Variants in INPP5B observed in about 807,000 individuals in gnomAD.
INPP5B encodes the protein inositol polyphosphate-5-phosphatase B, also known as type II inositol 1,4,5-trisphosphate 5-phosphatase.
A neutral mutation model predicts 118.5 loss-of-function variants in INPP5B; 90 were observed. The ratio of observed to expected loss-of-function variants is 0.76; its 90% CI spans 0.64 to 0.90. INPP5B has a LOEUF of 0.90. Among genes scored for constraint, INPP5B ranks in the 40% least tolerant of loss-of-function variants. The pLI, the probability that INPP5B is intolerant of heterozygous loss-of-function variation, is 0.00. For missense variants in INPP5B, 984 were observed against 1,125.6 expected, an observed-to-expected ratio of 0.87 and a Z score of 1.80; for synonymous variants, 385 against 418.9, an observed-to-expected ratio of 0.92 and a Z score of 0.99.
At chr1:37,933,650 G>A (rs1315312058) in intron 6 of INPP5B, among the ~76,000 whole-genome samples, 5 of 151,938 alleles carry the variant, frequency 3.3e-5, no homozygotes, top group Non-Finnish European at 7.4e-5. Context: ...AACCTGGGAG[G>A]TGGAGGTTGC....
chr1:37,918,307 G>A (rs1227253834), intron 7 of INPP5B, among the ~76,000 whole-genome samples: 3 of 152,076 alleles, frequency 2.0e-5, no homozygotes, highest in African/African-American at 7.2e-5. Context: ...ACCCAAACTG[G>A]TTCAATTGGC....
rs766909750 is a variant in INPP5B, at chr1:37,943,922, G to A, written c.153-29C>T. On this transcript the variant is annotated intron_variant, in intron 3 of 23. Transcript: ENST00000373024. ...AGGGCAGGAAGCAGAGGTGAGGATG[G>A]GGGCCCGCTGGCTGTCCCTCAGCCC... 5 of 1,529,306 alleles carry A rather than the reference G, an allele frequency of 3.3e-6. No homozygotes were observed. The Admixed American group carries it at 6.7e-5, about 20-fold the overall frequency. 94.7% of individuals were successfully genotyped at this position (1,529,306 alleles called of 1,614,324 possible). A position where few individuals can be genotyped will look rare whatever the true frequency, so the allele number is the denominator to read the frequency against.
chr1:37,869,773 C>A (rs1379147872), intron 19 of INPP5B, among the ~76,000 whole-genome samples: 1 of 152,138 alleles, frequency 6.6e-6, no homozygotes, highest in Non-Finnish European at 1.5e-5. Context: ...AACCACTGCA[C>A]CCAGCCTCCA....
chr1:37,903,751 A>G (rs1235578642), intron 7 of INPP5B, among the ~76,000 whole-genome samples: 28 of 151,784 alleles, frequency 1.8e-4, no homozygotes, highest in Non-Finnish European at 7.4e-5. Context: ...TTAGCTGGGC[A>G]TGGTAGTGCA....
At chr1:37,867,954 G>A (rs138242212) in intron 20 of INPP5B, among the ~76,000 whole-genome samples, 132 of 152,284 alleles carry the variant, frequency 8.7e-4, no homozygotes, top group African/African-American at 3.1e-3. Context: ...GACCCCAGAG[G>A]CCATGGGAAG....
At chr1:37,945,368 GGT>G (rs1553163633) in intron 3 of INPP5B, among the ~76,000 whole-genome samples, 1 of 151,826 alleles carries the variant, frequency 6.6e-6, no homozygotes, top group Non-Finnish European at 1.5e-5. Context: ...GGGACGCAGA[GGT>G]TGCAGTGAGC....
chr1:37,919,532 G>A (rs1378304506), intron 7 of INPP5B, among the ~76,000 whole-genome samples: 1 of 152,016 alleles, frequency 6.6e-6, no homozygotes, highest in Admixed American at 6.6e-5. Flanking sequence ...TTACATACTA[G>A]CAAAGAATTC....
intron 22 of INPP5B, chr1:37,864,635 A>G (rs577197595): frequency 2.4e-4 from 97 of 398,818 alleles, no homozygotes; most frequent in African/African-American, 1.6e-3. Flanking sequence ...ACATGTTCCT[A>G]TAAGACTGAA....
At chr1:37,869,908 A>G (rs926571966) in intron 19 of INPP5B, 1 of 152,180 alleles carries the variant, frequency 6.6e-6, no homozygotes, top group African/African-American at 2.4e-5. Flanking sequence ...GCACTGGAAA[A>G]AAAGCATACA....
chr1:37,942,483 A>C (rs1269026994), intron 5 of INPP5B, among the ~76,000 whole-genome samples: 1 of 152,174 alleles, frequency 6.6e-6, no homozygotes, highest in Non-Finnish European at 1.5e-5. Context: ...CTTCTAGCAC[A>C]ATGCTGGCGT....
chr1:37,866,463 G>C lies in INPP5B; in HGVS notation c.2382C>G (p.Asn794Lys). The C allele has an allele frequency of 6.6e-7, 1 of 1,524,326 alleles. No homozygotes were observed. The allele number at this position is 1,524,326 out of a possible 1,614,324, so 94.4% of individuals were successfully genotyped here. ...AGCTGAATGTCTGAAGGATACAGAG[G>C]TTATCAATCATTCCAGTATCCAAGC... ...RDCLDTGMID[N>K]LSASNHSVAE... The change falls in exon 21 of 24, where the codon AAC (asparagine) becomes AAG (lysine). Residue 794 changes from asparagine to lysine, a missense_variant. Around this residue, in one of 2 missense-constraint regions of INPP5B, gnomAD observed 634 missense variants for 791.0 expected, o/e 0.80. Transcript: ENST00000373024.
rs181387075 is a variant in INPP5B, at chr1:37,864,371, G to A, written c.2567C>T (p.Ala856Val). The A allele has an allele frequency of 2.3e-5, 37 of 1,613,230 alleles. No individual in the cohort carries two copies. The East Asian group carries it at 5.6e-4, about 24-fold the overall frequency. ...ATTTTTCAGCAGTTCTCGCAAAAACGCCATCAAGTAGTGGAAGACATTTTT... is the reference window on the plus strand; with the variant it reads ...ATTTTTCAGCAGTTCTCGCAAAAACACCATCAAGTAGTGGAAGACATTTTT... The part of the protein sequence containing the change: ...FHKNVFHYLM[A>V]FLRELLKNSA... Residue 856 changes from alanine (A) to valine (V), a missense_variant, in exon 23 of 24, where the codon GCG becomes GTG. Around this residue, in one of 2 missense-constraint regions of INPP5B, gnomAD observed 634 missense variants for 791.0 expected, o/e 0.80. Transcript: ENST00000373024.
intron 8 of INPP5B, 104 bp downstream of exon 8, chr1:37,891,254 A>T: frequency 1.4e-6 from 1 of 717,630 alleles, no homozygotes; most frequent in Non-Finnish European, 2.4e-6. Flanking sequence ...GACACTTCCT[A>T]GGCCAGCTAC....
intron 19 of INPP5B, 33 bp downstream of exon 19, chr1:37,872,897 G>A (rs377228587): frequency 5.9e-6 from 9 of 1,518,358 alleles, no homozygotes; most frequent in Non-Finnish European, 8.2e-6. Flanking sequence ...CTGCTACAAA[G>A]TTCTAGATGT....
intron 8 of INPP5B, among the ~76,000 whole-genome samples, chr1:37,890,273 G>A (rs2148518971): frequency 6.6e-6 from 1 of 152,042 alleles, no homozygotes; most frequent in Non-Finnish European, 1.5e-5. Flanking sequence ...TCCTCGGGAG[G>A]CTGAGACACA....
chr1:37,878,096 GA>G lies in INPP5B; in HGVS notation c.1677+91del, dbSNP rs1180299757. ...AAAGGGGCTTCTTCCCTCTCAAAAG[GA>G]GAGGAAGAAACCAGAAAGACAAGAA... On this transcript the variant is annotated intron_variant, in intron 16 of 23. Coordinates refer to ENST00000373024, the MANE Select transcript of INPP5B (RefSeq NM_005540.3). 12 of 1,445,862 alleles carry G rather than the reference GA, an allele frequency of 8.3e-6. No homozygotes were observed. The Admixed American group carries it at 9.8e-5, about 12-fold the overall frequency. The allele number at this position is 1,445,862 out of a possible 1,614,324, so 89.6% of individuals were successfully genotyped here.
At position 37,868,535 on chromosome 1, in the gene INPP5B, A is replaced by G. The variant is rs1016075837; in HGVS notation, c.2267T>C (p.Met756Thr). ...AGCATTTCGGTACAGGTAATCAACC[A>G]TCATCCAGAGCTCTTTGGGGATTTC... ...PMEIPKELWM[M>T]VDYLYRNAVQ... Residue 756 changes from methionine to threonine, a missense_variant, in exon 20 of 24, where the codon ATG becomes ACG. This residue lies in a region of INPP5B where 634 missense variants were observed against 791.0 expected (regional missense o/e 0.80). Transcript: ENST00000373024. The G allele has an allele frequency of 6.2e-7, 1 of 1,613,886 alleles. No homozygotes were observed. The highest frequency in any genetic ancestry group is 1.3e-5 in the African/African-American group (1 of 74,900).
In INPP5B at chr1:37,889,621, C is replaced by G; in HGVS notation, c.733G>C (p.Asp245His). 1 of 1,614,006 alleles carries G rather than the reference C, an allele frequency of 6.2e-7. No individual in the cohort carries two copies. Among genetic ancestry groups the G allele is most frequent in the Non-Finnish European group, 8.5e-7 (1 of 1,179,912 alleles). The change falls in exon 9 of 24, where the codon GAT becomes CAT. Residue 245 changes from aspartate (D) to histidine (H), a missense_variant. Asp to His is a moderately conservative substitution (Grantham distance 81). Around this residue, in one of 2 missense-constraint regions of INPP5B, gnomAD observed 350 missense variants for 334.6 expected, o/e 1.05. Coordinates refer to ENST00000373024, the MANE Select transcript of INPP5B (RefSeq NM_005540.3). ...ILSMQKFGLRDTIVKSHLLQK... is the reference protein window; with the variant it reads ...ILSMQKFGLRHTIVKSHLLQK... ...AGTAGATGTGATTTCACAATTGTATCTCGCAGTCCAAACTTCTGCATGGAT... is the reference window on the plus strand; with the variant it reads ...AGTAGATGTGATTTCACAATTGTATGTCGCAGTCCAAACTTCTGCATGGAT...
chr1:37,891,562 G>A, intron 7 of INPP5B, 108 bp from the exon 8 acceptor site: 1 of 716,228 alleles, frequency 1.4e-6, no homozygotes, highest in East Asian at 2.7e-5. Flanking sequence ...ATCACCTGAG[G>A]TCGGGAGTTC....
Sources: gnomAD v4.1 joint callset for allele counts (sites outside exome capture counted in the v4.1 genomes callset) on GRCh38, gnomAD v4.1.1 for gene constraint, gnomAD v4.1.1 regional missense constraint, MANE v1.5 for transcripts, NCBI Gene and HGNC (gene_info 2026-07-23, HGNC 2026-07-21) for gene names.